Variants in CYP4Z1 observed in about 807,000 individuals in gnomAD.
The protein encoded by CYP4Z1 is cytochrome P450 4Z1.
Under a neutral mutation model 54.2 loss-of-function variants are expected in CYP4Z1, and 41 were observed. That is an observed-to-expected ratio of 0.76 (90% CI 0.59 to 0.98). CYP4Z1 has a LOEUF of 0.98. CYP4Z1 is among the 50% of genes least tolerant of loss of function. The pLI is 0.00. For synonymous variants in CYP4Z1, 163 were observed against 206.2 expected (o/e 0.79, Z 1.79); for missense variants, 513 against 599.0 (o/e 0.86, Z 1.50).
intron 2 of CYP4Z1, among the ~76,000 whole-genome samples, chr1:47,077,508 A>G (rs1383518837): frequency 6.6e-6 from 1 of 151,766 alleles, no homozygotes; most frequent in African/African-American, 2.4e-5. Context: ...CCATTTTTTT[A>G]CTCCATTCTG....
At chr1:47,078,263 A>G (rs1272160945) in intron 2 of CYP4Z1, among the ~76,000 whole-genome samples, 1 of 152,108 alleles carries the variant, frequency 6.6e-6, no homozygotes, top group Non-Finnish European at 1.5e-5. Context: ...AACAATCTCA[A>G]TTGACCTATC....
At chr1:47,103,964 A>C (rs976359981) in intron 8 of CYP4Z1, among the ~76,000 whole-genome samples, 2 of 151,948 alleles carry the variant, frequency 1.3e-5, no homozygotes, top group African/African-American at 4.8e-5. Context: ...TTTCTTTTTG[A>C]TTGGGATATG....
the CYP4Z1 span, among the ~76,000 whole-genome samples, chr1:47,059,521 C>T: frequency 6.6e-6 from 1 of 152,086 alleles, no homozygotes; most frequent in Admixed American, 6.6e-5. Context: ...CATGTGAAAA[C>T]AATAATTTGC....
chr1:47,098,328 C>T (rs1366411538), intron 7 of CYP4Z1, among the ~76,000 whole-genome samples: 3 of 152,130 alleles, frequency 2.0e-5, no homozygotes, highest in South Asian at 2.1e-4. Context: ...CGAAAAGGTC[C>T]TTCACTTCCC....
At chr1:47,113,496 C>A (rs1205937444) in intron 9 of CYP4Z1, among the ~76,000 whole-genome samples, 1 of 152,150 alleles carries the variant, frequency 6.6e-6, no homozygotes, top group Non-Finnish European at 1.5e-5. Flanking sequence ...ATCTTCACAG[C>A]ACCCATTTAA....
rs574765973 is a variant in CYP4Z1 at position 47,085,198 on chromosome 1, C to T, written c.772+220C>T. On this transcript the variant is annotated intron_variant, in intron 6 of 11. Coordinates refer to ENST00000334194, the MANE Select transcript of CYP4Z1 (RefSeq NM_178134.3). ...TGTATTTTAATGTTTGGTGTTAGAA[C>T]TAATACAATAAGCAAAACATCTGTC... Among the ~76,000 whole-genome samples, 12 of 152,308 alleles carry T rather than the reference C, an allele frequency of 7.9e-5. No homozygotes were observed. In the South Asian group the frequency reaches 2.5e-3, roughly 32 times the overall value.
chr1:47,083,533 T>A (rs1644570384), intron 4 of CYP4Z1, among the ~76,000 whole-genome samples: 1 of 152,208 alleles, frequency 6.6e-6, no homozygotes, highest in Non-Finnish European at 1.5e-5. Context: ...CAGTGGCTCA[T>A]GCCTGTAATC....
chr1:47,057,471 CT>C, the CYP4Z1 span, among the ~76,000 whole-genome samples: 1 of 135,188 alleles, frequency 7.4e-6, no homozygotes, highest in East Asian at 2.1e-4. Context: ...GATCCTAGGA[CT>C]TGGTTAATTT....
At chr1:47,101,983 C>A (rs1445508002) in intron 8 of CYP4Z1, among the ~76,000 whole-genome samples, 1 of 152,138 alleles carries the variant, frequency 6.6e-6, no homozygotes, top group Non-Finnish European at 1.5e-5. Flanking sequence ...TAGCCTCTTG[C>A]TAAACTGATC....
At chr1:47,063,670 A>G (rs1644435200), upstream of CYP4Z1, among the ~76,000 whole-genome samples, 1 of 152,026 alleles carries the variant, frequency 6.6e-6, no homozygotes, top group Non-Finnish European at 1.5e-5. Context: ...AGTCTTTCAA[A>G]TTAACCCTAC....
At chr1:47,058,541 C>T in the CYP4Z1 span, among the ~76,000 whole-genome samples, 2 of 152,268 alleles carry the variant, frequency 1.3e-5, no homozygotes, top group African/African-American at 4.8e-5. Context: ...ACTGCTTATT[C>T]AGTGCCATCC....
At chr1:47,116,065 G>A (rs1644827681) in intron 10 of CYP4Z1, among the ~76,000 whole-genome samples, 1 of 152,138 alleles carries the variant, frequency 6.6e-6, no homozygotes, top group Non-Finnish European at 1.5e-5. Flanking sequence ...GAGTGAAAGG[G>A]AGAGGGGGCC....
At chr1:47,078,254 A>G (rs191376634) in intron 2 of CYP4Z1, among the ~76,000 whole-genome samples, 18 of 152,242 alleles carry the variant, frequency 1.2e-4, no homozygotes, top group Admixed American at 3.3e-4. Context: ...CTCAGATTCA[A>G]CAATCTCAAT....
chr1:47,105,402 C>G (rs11211446), intron 8 of CYP4Z1, among the ~76,000 whole-genome samples: 64,552 of 150,994 alleles, frequency 0.43, 15,140 homozygotes, highest in East Asian at 0.96. Flanking sequence ...CAATCTCCAG[C>G]CGGCTCCTTA....
At chr1:47,094,126 A>T (rs994174201) in intron 6 of CYP4Z1, among the ~76,000 whole-genome samples, 1 of 151,978 alleles carries the variant, frequency 6.6e-6, no homozygotes, top group Non-Finnish European at 1.5e-5. Context: ...TTCCTCTGCC[A>T]CTCAATTTGA....
intron 9 of CYP4Z1, among the ~76,000 whole-genome samples, chr1:47,110,610 T>C (rs1644786468): frequency 1.3e-5 from 2 of 152,158 alleles, no homozygotes; most frequent in South Asian, 4.1e-4. Flanking sequence ...GAGCTAATAA[T>C]TGATGAGCCT....
chr1:47,098,753 C>A (rs746189174), intron 7 of CYP4Z1, among the ~76,000 whole-genome samples: 1 of 152,078 alleles, frequency 6.6e-6, no homozygotes, highest in East Asian at 1.9e-4. Flanking sequence ...TGGCCACTTG[C>A]GGTCTTTCCT....
At chr1:47,110,184 T>C (rs1644783591) in intron 9 of CYP4Z1, among the ~76,000 whole-genome samples, 1 of 138,632 alleles carries the variant, frequency 7.2e-6, no homozygotes, top group African/African-American at 2.8e-5. Flanking sequence ...GTGCCATGAA[T>C]CTGATGGTCC....
chr1:47,055,680 C>A, the CYP4Z1 span, among the ~76,000 whole-genome samples: 1 of 152,190 alleles, frequency 6.6e-6, no homozygotes, highest in Non-Finnish European at 1.5e-5. Context: ...TTATCCATTT[C>A]TTCTAGATTT....
Sources: gnomAD v4.1 joint callset for allele counts (sites outside exome capture counted in the v4.1 genomes callset) on GRCh38, gnomAD v4.1.1 for gene constraint, MANE v1.5 for transcripts, NCBI Gene and HGNC (gene_info 2026-07-23, HGNC 2026-07-21) for gene names.